TAMM41: variants seen among roughly 807,000 people sequenced by gnomAD.
TAMM41 encodes the protein phosphatidate cytidylyltransferase, mitochondrial.
Under a neutral mutation model 44.1 loss-of-function variants are expected in TAMM41, and 36 were observed. The ratio of observed to expected loss-of-function variants is 0.82; its 90% CI spans 0.63 to 1.08. The LOEUF (loss-of-function observed/expected upper bound fraction) is 1.08. TAMM41 is among the 50% of genes least tolerant of loss of function. TAMM41 has a pLI of 0.00. For missense variants in TAMM41, 417 were observed against 404.3 expected (o/e 1.03, Z -0.27); for synonymous variants, 164 against 153.1 (o/e 1.07, Z -0.53).
intron 6 of TAMM41, chr3:11,808,258 T>C: frequency 1.9e-6 from 2 of 1,074,298 alleles, no homozygotes; most frequent in Non-Finnish European, 2.3e-6. Flanking sequence ...AAAAACCAAA[T>C]GATTACATCT....
the TAMM41 span, among the ~76,000 whole-genome samples, chr3:11,774,318 A>T: frequency 1.3e-5 from 2 of 152,288 alleles, no homozygotes; most frequent in South Asian, 4.1e-4. Flanking sequence ...CTTCCTTGGG[A>T]ATCAGAAAGG....
chr3:11,819,183 C>T (rs4143293), intron 4 of TAMM41, among the ~76,000 whole-genome samples: 21,203 of 152,064 alleles, frequency 0.14, 3,258 homozygotes, highest in East Asian at 0.48. Context: ...GCAAGAAACC[C>T]CATCTCTGGA....
At chr3:11,755,940 T>TGG in the TAMM41 span, among the ~76,000 whole-genome samples, 518 of 152,144 alleles carry the variant, frequency 3.4e-3, 2 homozygotes, top group Non-Finnish European at 5.1e-3. Context: ...TATTATATAA[T>TGG]GGGGGGCAAA....
the TAMM41 span, among the ~76,000 whole-genome samples, chr3:11,736,643 T>C: frequency 4.6e-5 from 7 of 152,196 alleles, no homozygotes; most frequent in African/African-American, 1.2e-4. Flanking sequence ...CAGCGCACCC[T>C]GCTTCAGCAA....
chr3:11,748,281 T>G, the TAMM41 span, among the ~76,000 whole-genome samples: 1 of 151,400 alleles, frequency 6.6e-6, no homozygotes, highest in Non-Finnish European at 1.5e-5. Context: ...TTTATTTATT[T>G]ATTTATTTAT....
the TAMM41 span, among the ~76,000 whole-genome samples, chr3:11,729,695 G>A: frequency 6.6e-6 from 1 of 151,258 alleles, no homozygotes; most frequent in African/African-American, 2.4e-5. Context: ...AAGTAGCTGG[G>A]ATTACAGGTG....
chr3:11,803,218 GCTGAGATTGCACCACTGCA>G (rs941062271), intron 7 of TAMM41, among the ~76,000 whole-genome samples: 4 of 152,176 alleles, frequency 2.6e-5, no homozygotes, highest in Non-Finnish European at 5.9e-5. Flanking sequence ...GTTGCTGCGA[GCTGAGATTGCACCACTGCA>G]CTCTAGCCTG....
the TAMM41 span, among the ~76,000 whole-genome samples, chr3:11,733,161 G>A: frequency 6.6e-6 from 1 of 151,714 alleles, no homozygotes; most frequent in African/African-American, 2.4e-5. Flanking sequence ...ACCATGCCCG[G>A]CTAATTTTTG....
intron 3 of TAMM41, among the ~76,000 whole-genome samples, chr3:11,832,466 C>A (rs2079019805): frequency 6.6e-6 from 1 of 152,084 alleles, no homozygotes; most frequent in East Asian, 1.9e-4. Context: ...AATACTAGGC[C>A]ATTTTATATC....
the TAMM41 span, among the ~76,000 whole-genome samples, chr3:11,749,434 T>G: frequency 6.6e-5 from 10 of 152,184 alleles, no homozygotes; most frequent in Non-Finnish European, 1.0e-4. Flanking sequence ...TGCTTTACAG[T>G]GATCAGGGTC....
At chr3:11,761,012 C>A in the TAMM41 span, among the ~76,000 whole-genome samples, 1 of 151,520 alleles carries the variant, frequency 6.6e-6, no homozygotes, top group South Asian at 2.1e-4. Context: ...TAAAAAGATA[C>A]AAAAAATTAG....
intron 5 of TAMM41, chr3:11,810,204 C>G (rs2078045462): frequency 6.6e-6 from 1 of 152,408 alleles, no homozygotes; most frequent in African/African-American, 2.4e-5. Context: ...ATGACAGAAA[C>G]TAATCTTACT....
At chr3:11,748,622 G>GC in the TAMM41 span, among the ~76,000 whole-genome samples, 5 of 151,756 alleles carry the variant, frequency 3.3e-5, no homozygotes, top group Non-Finnish European at 7.4e-5. Flanking sequence ...CAAGTGATCT[G>GC]CCCCCCTCAG....
Position 11,809,650 on chromosome 3 carries a change from C to T in TAMM41, c.741G>A (p.Gln247=), listed in dbSNP as rs140106641. ...GTAAGGTTTTGGGCAATGTCATCAGCTGAGTGAACTGTCCTTCTGGGCTTT... is the reference window on the plus strand; with the variant it reads ...GTAAGGTTTTGGGCAATGTCATCAGTTGAGTGAACTGTCCTTCTGGGCTTT... ...IDKSPEGQFT[Q]LMTLPKTLQQ... The change falls in exon 6 of 8, where the codon CAG becomes CAA. Residue 247 remains glutamine (Q), a synonymous_variant. Coordinates refer to ENST00000455809, the MANE Select transcript of TAMM41 (RefSeq NM_001284401.2). 1.0e-3 allele frequency: 1,675 copies of T among 1,613,820 alleles called. 3 individuals are homozygous for T. Among genetic ancestry groups the T allele is most frequent in the Non-Finnish European group, 1.3e-3 (1,569 of 1,180,002 alleles).
intron 7 of TAMM41, among the ~76,000 whole-genome samples, chr3:11,802,255 T>C (rs1028927759): frequency 1.3e-5 from 2 of 152,004 alleles, no homozygotes; most frequent in Admixed American, 1.3e-4. Flanking sequence ...CTTTGAAAGA[T>C]ACACAAAATT....
At chr3:11,738,967 C>T in the TAMM41 span, among the ~76,000 whole-genome samples, 1 of 152,216 alleles carries the variant, frequency 6.6e-6, no homozygotes, top group Non-Finnish European at 1.5e-5. Flanking sequence ...GGGCCCAGCC[C>T]ACCTTTTGGC....
At chr3:11,822,578 G>A (rs915138328) in intron 4 of TAMM41, among the ~76,000 whole-genome samples, 1 of 152,122 alleles carries the variant, frequency 6.6e-6, no homozygotes, top group African/African-American at 2.4e-5. Context: ...GATCCAGGTT[G>A]GATCTAATCT....
the TAMM41 span, among the ~76,000 whole-genome samples, chr3:11,761,815 C>T: frequency 3.3e-5 from 5 of 151,828 alleles, no homozygotes; most frequent in South Asian, 8.3e-4. Flanking sequence ...TGCGTGGTGG[C>T]GAGCACCTGT....
intron 2 of TAMM41, among the ~76,000 whole-genome samples, chr3:11,841,200 A>C (rs2079425039): frequency 1.3e-5 from 2 of 148,464 alleles, no homozygotes; most frequent in African/African-American, 2.5e-5. Flanking sequence ...CTCCCACCTC[A>C]GTCTCCAGAG....
Sources: gnomAD v4.1 joint callset for allele counts (sites outside exome capture counted in the v4.1 genomes callset) on GRCh38, gnomAD v4.1.1 for gene constraint, MANE v1.5 for transcripts, NCBI Gene and HGNC (gene_info 2026-07-23, HGNC 2026-07-21) for gene names.